The following PRH1 variants were observed in gnomAD, a reference collection of about 807,000 sequenced individuals.
PRH1 encodes salivary acidic proline-rich phosphoprotein 1/2.
A neutral mutation model predicts 7.9 loss-of-function variants in PRH1; 7 were observed. That is an observed-to-expected ratio of 0.89 (90% CI 0.50 to 1.67). The LOEUF is 1.67. Among genes scored for constraint, PRH1 ranks in the 40% most tolerant of loss-of-function variants. The pLI, the probability that PRH1 is intolerant of heterozygous loss-of-function variation, is 0.00. For missense variants in PRH1, 109 were observed against 223.6 expected (o/e 0.49, Z 3.27); for synonymous variants, 45 against 80.8 (o/e 0.56, Z 2.38).
intron 2 of PRH1, among the ~76,000 whole-genome samples, chr12:10,966,746 CTTG>C (rs762530644): frequency 6.6e-6 from 1 of 152,270 alleles, no homozygotes; most frequent in African/African-American, 2.4e-5. Flanking sequence ...TATGTCCACC[CTTG>C]TTGTGTCAGG....
At chr12:11,069,618 G>A (rs1943976878) in intron 1 of PRH1, among the ~76,000 whole-genome samples, 2 of 152,208 alleles carry the variant, frequency 1.3e-5, no homozygotes, top group African/African-American at 2.4e-5. Flanking sequence ...ATAGACTCTG[G>A]TGATCTTGGA....
rs539049794 is a variant in PRH1 at position 10,965,646 on chromosome 12, C to T, written c.-59+8009G>A. Among the ~76,000 whole-genome samples, 81 of 152,244 alleles carry T rather than the reference C, an allele frequency of 5.3e-4. 1 individual carries two copies. The highest frequency in any genetic ancestry group is 1.7e-3 in the African/African-American group (69 of 41,558). On this transcript the variant is annotated intron_variant, in intron 2 of 3. Transcript: ENST00000539853. ...TTAGATACTGAAGTAGAAGTGAAAC[C>T]GGAATTTTCATTTGCCAGCATGCAA...
At chr12:11,131,121 C>A (rs1226344633) in intron 1 of PRH1, among the ~76,000 whole-genome samples, 1 of 152,156 alleles carries the variant, frequency 6.6e-6, no homozygotes, top group Admixed American at 6.6e-5. Flanking sequence ...GATGGTAGTT[C>A]TAACTCAGGG....
chr12:10,935,930 G>T (rs1246302351), intron 2 of PRH1, among the ~76,000 whole-genome samples: 1 of 152,114 alleles, frequency 6.6e-6, no homozygotes, highest in Non-Finnish European at 1.5e-5. Flanking sequence ...GCAGAGGTAG[G>T]ATGGACATTA....
At chr12:10,956,614 G>A (rs896599084) in intron 2 of PRH1, among the ~76,000 whole-genome samples, 1 of 151,952 alleles carries the variant, frequency 6.6e-6, no homozygotes, top group Non-Finnish European at 1.5e-5. Flanking sequence ...CAATAGAAGA[G>A]AAGAAGTCAA....
rs140006196 is a variant in PRH1, at chr12:11,168,439, AAAAG to A, written n.39+2979_39+2982del. ...AAGAAAGGAAAAGAAAAGAAAAGAA[AAAAG>A]AAAGAAAGAAAGAGAAAAGAAAAAT... On this transcript the variant is annotated intron_variant and non_coding_transcript_variant, in intron 1 of 1. Coordinates refer to the PRH1 transcript ENST00000541175. Among the ~76,000 whole-genome samples the A allele has an allele frequency of 9.8e-3, 1,451 of 147,512 alleles. 50 individuals carry two copies. The highest frequency in any genetic ancestry group is 0.034 in the African/African-American group (1,349 of 39,450).
chr12:11,052,783 T>C (rs1361057992), intron 1 of PRH1, among the ~76,000 whole-genome samples: 2 of 152,194 alleles, frequency 1.3e-5, no homozygotes, highest in Non-Finnish European at 2.9e-5. Flanking sequence ...TTCTCAGTAC[T>C]GATATTTCAT....
chr12:10,928,035 C>G (rs556110786), intron 2 of PRH1, among the ~76,000 whole-genome samples: 1 of 152,200 alleles, frequency 6.6e-6, no homozygotes, highest in African/African-American at 2.4e-5. Context: ...GTACCATACA[C>G]CATTGCTTAG....
At chr12:10,909,364 C>A in intron 2 of PRH1, 2 of 1,177,050 alleles carry the variant, frequency 1.7e-6, no homozygotes, top group Non-Finnish European at 2.5e-6. Flanking sequence ...AAATGCTATT[C>A]ACATCCTTGA....
At chr12:11,049,671 A>G (rs1943062429), upstream of PRH1, among the ~76,000 whole-genome samples, 1 of 152,166 alleles carries the variant, frequency 6.6e-6, no homozygotes, top group African/African-American at 2.4e-5. Flanking sequence ...GTTGTTACAT[A>G]GGGAAATTTT....
Position 11,168,248 on chromosome 12 carries a change from GAAA to G in PRH1, n.39+3171_39+3173del, listed in dbSNP as rs1947654698. ...AGAAAGAAAGAAAGAAAGAAAGAAA[GAAA>G]GAAAGAAAGAAAGAAAGAAAGAAAG... On this transcript the variant is annotated intron_variant and non_coding_transcript_variant, in intron 1 of 1. Transcript: ENST00000541175. Among the ~76,000 whole-genome samples, 8 of 21,464 alleles carry G rather than the reference GAAA, an allele frequency of 3.7e-4. 1 individual carries two copies. The East Asian group carries it at 5.0e-3, about 13-fold the overall frequency. The allele number at this position is 21,464 out of a possible 152,430, so 14.1% of individuals were successfully genotyped here.
intron 1 of PRH1, chr12:11,077,728 A>C (rs1944341726): frequency 8.2e-7 from 1 of 1,217,656 alleles, no homozygotes; most frequent in Admixed American, 1.8e-5. Context: ...TGAAAGGTGT[A>C]TTGCATTCCT....
intron 2 of PRH1, among the ~76,000 whole-genome samples, chr12:10,890,809 G>C (rs535451703): frequency 1.1e-4 from 16 of 151,134 alleles, no homozygotes; most frequent in African/African-American, 3.9e-4. Flanking sequence ...AAGGAAAGAG[G>C]AGGGGATGGG....
intron 2 of PRH1, among the ~76,000 whole-genome samples, chr12:10,899,866 T>A: frequency 6.6e-6 from 1 of 152,212 alleles, no homozygotes; most frequent in East Asian, 1.9e-4. Flanking sequence ...AAGAAATTAC[T>A]GAATCAGGCA....
At chr12:10,928,921 A>G (rs1451401507) in intron 2 of PRH1, among the ~76,000 whole-genome samples, 1 of 152,230 alleles carries the variant, frequency 6.6e-6, no homozygotes, top group African/African-American at 2.4e-5. Flanking sequence ...GGAAAGCAGA[A>G]TAGCAGTCTT....
intron 2 of PRH1, among the ~76,000 whole-genome samples, chr12:10,927,212 C>G (rs1211146894): frequency 6.6e-6 from 1 of 152,188 alleles, no homozygotes; most frequent in East Asian, 1.9e-4. Flanking sequence ...TTTCACCAGG[C>G]TTGCAGCTTT....
intron 1 of PRH1, among the ~76,000 whole-genome samples, chr12:11,088,113 G>A (rs9802967): frequency 1.4e-5 from 1 of 72,474 alleles, no homozygotes; most frequent in Non-Finnish European, 3.6e-5. Flanking sequence ...GGCCGACACG[G>A]GAAGATCATT....
At chr12:10,943,223 T>A (rs1178027091) in intron 2 of PRH1, among the ~76,000 whole-genome samples, 2 of 152,160 alleles carry the variant, frequency 1.3e-5, no homozygotes, top group Admixed American at 1.3e-4. Context: ...CTGCCTCCCA[T>A]CCACCATGAT....
In PRH1 at chr12:11,094,595, G is replaced by C. The variant is rs781731509; in HGVS notation, n.124-47407C>G. On this transcript the variant is annotated intron_variant and non_coding_transcript_variant, in intron 1 of 4. Transcript: ENST00000541977. ...ATAACATCATCTCAAATTTTCTTAT[G>C]TTGCAACTAAATAAGAAAGTTCCTA... Among the ~76,000 whole-genome samples, 87 of 115,330 alleles carry C rather than the reference G, an allele frequency of 7.5e-4. 28 individuals carry two copies. The highest frequency in any genetic ancestry group is 1.5e-3 in the Non-Finnish European group (73 of 48,848). The allele number at this position is 115,330 out of a possible 152,430, so 75.7% of individuals were successfully genotyped here.
Sources: allele counts gnomAD v4.1 joint callset (sites outside exome capture counted in the v4.1 genomes callset), GRCh38; gene constraint gnomAD v4.1.1; transcripts MANE v1.5; gene names NCBI Gene and HGNC (gene_info 2026-07-23, HGNC 2026-07-21).